Variants in ZKSCAN3 observed in about 807,000 individuals in gnomAD.
ZKSCAN3 encodes zinc finger with KRAB and SCAN domains 3.
Under a neutral mutation model 30.7 loss-of-function variants are expected in ZKSCAN3, and 21 were observed. That is an observed-to-expected ratio of 0.68 (90% confidence interval 0.49 to 0.99). ZKSCAN3 has a LOEUF of 0.99. ZKSCAN3 is among the 50% of genes least tolerant of loss of function. The probability of loss-of-function intolerance (pLI) is 0.00; values close to 1 mark genes in which losing one functional copy is unlikely to be tolerated. For synonymous variants in ZKSCAN3, 201 were observed against 246.7 expected, an observed-to-expected ratio of 0.81 and a Z score of 1.73; for missense variants, 507 against 647.1, an observed-to-expected ratio of 0.78 and a Z score of 2.35.
chr6:28,361,281 A>G, intron 2 of ZKSCAN3, 43 bp from the exon 3 acceptor site: 1 of 1,602,512 alleles, frequency 6.2e-7, no homozygotes, highest in Non-Finnish European at 8.5e-7. Context: ...GTTCTATGGA[A>G]GTGTTTGATG....
chr6:28,358,106 A>G (rs975363614), intron 1 of ZKSCAN3, among the ~76,000 whole-genome samples: 11 of 152,354 alleles, frequency 7.2e-5, no homozygotes, highest in African/African-American at 2.4e-4. Context: ...CGGGATCCCC[A>G]ATGATACCAA....
intron 1 of ZKSCAN3, chr6:28,353,497 T>G: frequency 5.9e-6 from 1 of 168,898 alleles, no homozygotes; most frequent in Non-Finnish European, 1.3e-5. Flanking sequence ...AATACAGAAA[T>G]CATCCATTAC....
At position 28,360,036 on chromosome 6, in the gene ZKSCAN3, T is replaced by C. The variant is rs370026086; in HGVS notation, c.402+48T>C. 2.3e-5 allele frequency: 37 copies of C among 1,614,116 alleles called. No homozygotes were observed. The African/African-American group carries it at 3.2e-4, about 14-fold the overall frequency. The stretch of plus-strand genomic sequence containing the variant: ...CTGAGCGCTGTGGCCTGTTTCCTCC[T>C]GAAATCCCAGATCAGAGTGAGGGGC... On this transcript the variant is annotated intron_variant, in intron 2 of 5. Coordinates refer to ENST00000252211, the MANE Select transcript of ZKSCAN3 (RefSeq NM_024493.4).
At position 28,363,765 on chromosome 6, in the gene ZKSCAN3, A is replaced by G; in HGVS notation, c.707A>G (p.Asn236Ser). 1 of 1,614,044 alleles carries G rather than the reference A, an allele frequency of 6.2e-7. No individual in the cohort carries two copies. Among genetic ancestry groups the G allele is most frequent in the Non-Finnish European group, 8.5e-7 (1 of 1,179,950 alleles). The change falls in exon 5 of 6, where the codon AAT (asparagine) becomes AGT (serine). Residue 236 changes from asparagine (N) to serine (S), a missense_variant. Asn to Ser is a conservative substitution (Grantham distance 46). Transcript: ENST00000252211. ...ACACAGCAGGATTCATCTCAGGGGA[A>G]TCTCTGTAGAGATGAAAAGCAGGAG... is the stretch of plus-strand genomic sequence containing the variant. ...EWTQQDSSQG[N>S]LCRDEKQENH...
rs574536080 is a variant in ZKSCAN3, at chr6:28,359,784, G to T, written c.198G>T (p.Arg66=). The T allele has an allele frequency of 3.6e-5, 58 of 1,614,210 alleles. No individual in the cohort carries two copies. Among genetic ancestry groups the T allele is most frequent in the Admixed American group, 2.5e-4 (15 of 60,036 alleles). ...EAAGPREALS[R]LRELCRQWLQ... is the part of the protein sequence containing the mutation. ...CAGGCCCCCGCGAGGCGCTGAGTCG[G>T]CTCCGAGAGCTCTGCCGACAGTGGC... Residue 66 remains arginine, a synonymous_variant, in exon 2 of 6, where the codon CGG becomes CGT. Coordinates refer to ENST00000252211, the MANE Select transcript of ZKSCAN3 (RefSeq NM_024493.4).
chr6:28,368,422 T>C lies in ZKSCAN3; in HGVS notation c.*2137T>C, dbSNP rs1766057320. On this transcript the variant is annotated 3_prime_UTR_variant, in exon 6 of 6. Coordinates refer to ENST00000252211, the MANE Select transcript of ZKSCAN3 (RefSeq NM_024493.4). ...CGGTTTGAACCATTAATTTAATTCC[T>C]CAGGCTATCTACTTTTTTGTTAAAC... 1 of 152,218 alleles carries C rather than the reference T, an allele frequency of 6.6e-6. No individual in the cohort carries two copies. The highest frequency in any genetic ancestry group is 2.1e-4 in the South Asian group (1 of 4,836). The allele number at this position is 152,218 out of a possible 1,614,324, so 9.4% of individuals were successfully genotyped here.
chr6:28,353,579 T>G (rs1581719878), intron 1 of ZKSCAN3: 4 of 250,726 alleles, frequency 1.6e-5, no homozygotes, highest in Non-Finnish European at 2.4e-5. Context: ...GAGGAAGGAG[T>G]AGATTAGGAA....
At chr6:28,354,490 C>T (rs1420054826) in intron 1 of ZKSCAN3, among the ~76,000 whole-genome samples, 1 of 152,036 alleles carries the variant, frequency 6.6e-6, no homozygotes, top group African/African-American at 2.4e-5. Context: ...ACTTTGGGCA[C>T]CCAGGGCTGA....
At chr6:28,360,177 C>A in intron 2 of ZKSCAN3, 189 bp downstream of exon 2, 2 of 1,013,930 alleles carry the variant, frequency 2.0e-6, no homozygotes, top group Non-Finnish European at 1.4e-6. Flanking sequence ...AATACATAAA[C>A]CATAAAGGAT....
chr6:28,352,911 TG>T (rs2113892616), intron 1 of ZKSCAN3, among the ~76,000 whole-genome samples: 1 of 152,230 alleles, frequency 6.6e-6, no homozygotes, highest in Non-Finnish European at 1.5e-5. Flanking sequence ...GACTTGGAAT[TG>T]TTTTTCCCTT....
chr6:28,361,220 A>G (rs1765754327), intron 2 of ZKSCAN3, 104 bp from the exon 3 acceptor site: 2 of 1,263,482 alleles, frequency 1.6e-6, no homozygotes, highest in Non-Finnish European at 2.2e-6. Context: ...TTCTGCGTTA[A>G]ATGAGTTAAC....
In ZKSCAN3 at chr6:28,360,572, T is replaced by G. The variant is rs1438987260; in HGVS notation, c.402+584T>G. On this transcript the variant is annotated intron_variant, in intron 2 of 5. Coordinates refer to ENST00000252211, the MANE Select transcript of ZKSCAN3 (RefSeq NM_024493.4). ...AACCTCTGGTAGAAAATGGGCCGAC[T>G]TTTACCTCCATGTTCTTCCCTGTTT... 3.0e-6 allele frequency: 3 copies of G among 985,226 alleles called. No individual in the cohort carries two copies. In the Admixed American group the frequency reaches 1.8e-4, roughly 61 times the overall value. The allele number at this position is 985,226 out of a possible 1,614,324, so 61.0% of individuals were successfully genotyped here.
At chr6:28,358,495 G>A (rs1044562406) in intron 1 of ZKSCAN3, among the ~76,000 whole-genome samples, 1 of 151,532 alleles carries the variant, frequency 6.6e-6, no homozygotes, top group Non-Finnish European at 1.5e-5. Flanking sequence ...TTTTCCAGCT[G>A]TGGTTGGTTG....
rs1263709531 is a variant in ZKSCAN3, at chr6:28,366,814, A to G, written c.*529A>G. The G allele has an allele frequency of 6.5e-6, 1 of 152,904 alleles. No homozygotes were observed. The highest frequency in any genetic ancestry group is 1.5e-5 in the Non-Finnish European group (1 of 68,252). The allele number at this position is 152,904 out of a possible 1,614,324, so 9.5% of individuals were successfully genotyped here. ...CCAGGTTTCTGAAGAACTTCTCGCCAAGGCCATTTGTGCTTGTGTCCAATT... is the reference window on the plus strand; with the variant it reads ...CCAGGTTTCTGAAGAACTTCTCGCCGAGGCCATTTGTGCTTGTGTCCAATT... On this transcript the variant is annotated 3_prime_UTR_variant, in exon 6 of 6. Coordinates refer to ENST00000252211, the MANE Select transcript of ZKSCAN3 (RefSeq NM_024493.4).
rs1483846718 is a variant in ZKSCAN3 at position 28,368,754 on chromosome 6, T to C, written c.*2469T>C. On this transcript the variant is annotated 3_prime_UTR_variant, in exon 6 of 6. Coordinates refer to ENST00000252211, the MANE Select transcript of ZKSCAN3 (RefSeq NM_024493.4). Reference sequence around the variant, plus strand: ...CCCTCAATGGGAGAAGCCTTATGAGTGTGACAACTGTGGAAAGACAGTTCC... The same window carrying C: ...CCCTCAATGGGAGAAGCCTTATGAGCGTGACAACTGTGGAAAGACAGTTCC... 6.4e-6 allele frequency: 1 copy of C among 155,294 alleles called. No individual in the cohort carries two copies. Among genetic ancestry groups the C allele is most frequent in the Non-Finnish European group, 1.5e-5 (1 of 68,224 alleles). 9.6% of individuals were successfully genotyped at this position (155,294 alleles called of 1,614,324 possible).
rs768560195 is a variant in ZKSCAN3, at chr6:28,359,774, C to T, written c.188C>T (p.Ala63Val). 2 of 1,614,196 alleles carry T rather than the reference C, an allele frequency of 1.2e-6. No individual in the cohort carries two copies. The highest frequency in any genetic ancestry group is 1.7e-5 in the Admixed American group (1 of 60,034). Reference sequence around the variant, plus strand: ...CCGGAGGCTGCAGGCCCCCGCGAGGCGCTGAGTCGGCTCCGAGAGCTCTGC... The same window carrying T: ...CCGGAGGCTGCAGGCCCCCGCGAGGTGCTGAGTCGGCTCCGAGAGCTCTGC... ...RYPEAAGPREALSRLRELCRQ... is the reference protein window; with the variant it reads ...RYPEAAGPREVLSRLRELCRQ... The change falls in exon 2 of 6, where the codon GCG becomes GTG. Residue 63 changes from alanine (A) to valine (V), a missense_variant. Physicochemically the swap from Ala to Val is moderately conservative, Grantham distance 64 (BLOSUM62 0). Transcript: ENST00000252211.
intron 3 of ZKSCAN3, 96 bp from the exon 4 acceptor site, chr6:28,363,207 C>A: frequency 9.1e-7 from 1 of 1,100,920 alleles, no homozygotes; most frequent in Non-Finnish European, 1.3e-6. Flanking sequence ...TCAAGTGAGA[C>A]AGGAATCTAT....
chr6:28,364,436 G>A (rs181392707), intron 5 of ZKSCAN3, among the ~76,000 whole-genome samples: 3 of 152,354 alleles, frequency 2.0e-5, no homozygotes, highest in African/African-American at 4.8e-5. Context: ...TGACCGAAGA[G>A]GAAAGCTGGG....
intron 1 of ZKSCAN3, chr6:28,355,456 GT>G (rs1561932352): frequency 6.6e-6 from 1 of 152,246 alleles, no homozygotes; most frequent in Non-Finnish European, 1.5e-5. Context: ...CCCTTCCAAA[GT>G]TGGGACCAAA....
Sources: gnomAD v4.1 joint callset for allele counts (sites outside exome capture counted in the v4.1 genomes callset) on GRCh38, gnomAD v4.1.1 for gene constraint, MANE v1.5 for transcripts, NCBI Gene and HGNC (gene_info 2026-07-23, HGNC 2026-07-21) for gene names.